EBF4: variants seen among roughly 807,000 people sequenced by gnomAD.
EBF4 encodes transcription factor COE4.
In EBF4, 34 loss-of-function variants were observed where a neutral mutation model predicts 67.1. The ratio of observed to expected loss-of-function variants is 0.51; its 90% CI spans 0.39 to 0.67. The LOEUF is 0.67. Among genes scored for constraint, EBF4 ranks in the 30% least tolerant of loss-of-function variants. The pLI, the probability that EBF4 is intolerant of heterozygous loss-of-function variation, is 0.00. For synonymous variants in EBF4, 387 were observed against 377.7 expected (o/e 1.02, Z -0.29); for missense variants, 837 against 873.3 (o/e 0.96, Z 0.52).
chr20:2,738,167 C>G (rs143701182), intron 6 of EBF4, among the ~76,000 whole-genome samples: 1 of 152,020 alleles, frequency 6.6e-6, no homozygotes, highest in Non-Finnish European at 1.5e-5. Context: ...CTTGCTAATA[C>G]CCGCTACCCA....
At chr20:2,702,539 C>T (rs2087391431) in intron 1 of EBF4, among the ~76,000 whole-genome samples, 1 of 152,124 alleles carries the variant, frequency 6.6e-6, no homozygotes, top group Non-Finnish European at 1.5e-5. Context: ...CTGAGGGAGG[C>T]TCCGGGGCAA....
At chr20:2,701,683 C>G (rs2087377346) in intron 1 of EBF4, among the ~76,000 whole-genome samples, 1 of 152,254 alleles carries the variant, frequency 6.6e-6, no homozygotes, top group Non-Finnish European at 1.5e-5. Context: ...CACCACTCCT[C>G]TGGCAAGGCT....
At chr20:2,704,262 A>G (rs1459216031) in intron 1 of EBF4, among the ~76,000 whole-genome samples, 1 of 152,068 alleles carries the variant, frequency 6.6e-6, no homozygotes, top group Admixed American at 6.6e-5. Flanking sequence ...AGCCCTAGCC[A>G]ACTCAAGCAG....
Position 2,696,221 on chromosome 20 carries a change from C to T in EBF4, c.137+2439C>T, listed in dbSNP as rs898787976. On this transcript the variant is annotated intron_variant, in intron 1 of 16. Transcript: ENST00000609451. This position sits in a 1 kb window ranked among gnomAD's most constrained non-coding sequence, Gnocchi z 4.7. Reference sequence around the variant, plus strand: ...GCGCGGTGGCTCACGCCTGTAATTCCAGCACTTTGGGAGGCCAAGGTGGGC... The same window carrying T: ...GCGCGGTGGCTCACGCCTGTAATTCTAGCACTTTGGGAGGCCAAGGTGGGC... Among the ~76,000 whole-genome samples the T allele has an allele frequency of 2.6e-5, 4 of 152,166 alleles. No homozygotes were observed. The highest frequency in any genetic ancestry group is 7.2e-5 in the African/African-American group (3 of 41,428).
chr20:2,731,526 A>G (rs2087812987), intron 6 of EBF4, among the ~76,000 whole-genome samples: 1 of 152,144 alleles, frequency 6.6e-6, no homozygotes, highest in East Asian at 1.9e-4. Flanking sequence ...GCTGCAAGGG[A>G]GGCTGGGAAA....
At chr20:2,731,104 G>A (rs1272099543) in intron 6 of EBF4, among the ~76,000 whole-genome samples, 1 of 152,052 alleles carries the variant, frequency 6.6e-6, no homozygotes, top group Non-Finnish European at 1.5e-5. Context: ...TCACCATGTT[G>A]GTCAGGCTGG....
chr20:2,737,354 G>C (rs966351925), intron 6 of EBF4, among the ~76,000 whole-genome samples: 2 of 152,106 alleles, frequency 1.3e-5, no homozygotes, highest in Admixed American at 1.3e-4. Context: ...CGGCTAGTGA[G>C]TGAACCGCCT....
chr20:2,724,171 C>G (rs2146430579), intron 6 of EBF4, among the ~76,000 whole-genome samples: 1 of 152,288 alleles, frequency 6.6e-6, no homozygotes, highest in South Asian at 2.1e-4. Flanking sequence ...TGAAATCAAC[C>G]ATGCTGGGAA....
At chr20:2,701,620 G>A (rs1316564117) in intron 1 of EBF4, among the ~76,000 whole-genome samples, 1 of 152,238 alleles carries the variant, frequency 6.6e-6, no homozygotes, top group African/African-American at 2.4e-5. Flanking sequence ...CAGGGTGTCT[G>A]TGTAGAAAGG....
chr20:2,743,864 C>T (rs1333628183), intron 6 of EBF4, among the ~76,000 whole-genome samples: 1 of 151,978 alleles, frequency 6.6e-6, no homozygotes, highest in Admixed American at 6.6e-5. Flanking sequence ...TGATCCAATC[C>T]AGATATTTAG....
intron 6 of EBF4, among the ~76,000 whole-genome samples, chr20:2,737,117 G>T (rs989541424): frequency 4.0e-5 from 6 of 150,714 alleles, no homozygotes; most frequent in Non-Finnish European, 8.8e-5. Flanking sequence ...GGGCGTGGTG[G>T]CGGGCGCCTG....
chr20:2,706,058 T>C (rs1600205386), intron 3 of EBF4, 21 bp downstream of exon 3: 1 of 1,551,152 alleles, frequency 6.4e-7, no homozygotes, highest in East Asian at 2.4e-5. Flanking sequence ...GCCCCTGCCC[T>C]ACCCAGCCCT....
exon 13 of EBF4, chr20:2,752,224 G>A: frequency 7.4e-7 from 1 of 1,356,108 alleles, no homozygotes; most frequent in South Asian, 1.8e-5. Context: ...CAGCCCGCTG[G>A]CCATCGCCGT....
chr20:2,746,390 G>T (rs2088050981), intron 6 of EBF4, among the ~76,000 whole-genome samples: 1 of 152,072 alleles, frequency 6.6e-6, no homozygotes, highest in Non-Finnish European at 1.5e-5. Context: ...TACACTGTAG[G>T]GGTGCACCAT....
At chr20:2,726,660 T>C (rs1310993592) in intron 6 of EBF4, among the ~76,000 whole-genome samples, 8 of 152,150 alleles carry the variant, frequency 5.3e-5, no homozygotes, top group African/African-American at 1.7e-4. Context: ...CTAGTCCTTT[T>C]CCCCCATTAC....
chr20:2,749,673 G>A, exon 9 of EBF4: 1 of 1,567,736 alleles, frequency 6.4e-7, no homozygotes, highest in South Asian at 1.2e-5. Context: ...GACCACGGGC[G>A]GCGCCACCGT....
intron 16 of EBF4, 102 bp downstream of exon 16, chr20:2,759,086 G>A: frequency 8.8e-7 from 1 of 1,137,680 alleles, no homozygotes; most frequent in Non-Finnish European, 1.3e-6. Context: ...CCCGCTAGCA[G>A]CCCCACAGGG....
Position 2,735,354 on chromosome 20 carries a change from C to A in EBF4, c.558-13195C>A, listed in dbSNP as rs116423309. ...TGGTTGCAAGGTAGCTGGTCTTCAACAGGGCTGGGGAGTAGGGGATGGGAA... is the reference window on the plus strand; with the variant it reads ...TGGTTGCAAGGTAGCTGGTCTTCAAAAGGGCTGGGGAGTAGGGGATGGGAA... On this transcript the variant is annotated intron_variant, in intron 6 of 16. Coordinates refer to ENST00000609451, the Ensembl canonical transcript of EBF4. 5.4e-3 allele frequency among the ~76,000 whole-genome samples: 822 copies of A among 152,312 alleles called. 7 individuals carry two copies. Among genetic ancestry groups the A allele is most frequent in the African/African-American group, 0.018 (766 of 41,564 alleles).
At position 2,755,899 on chromosome 20, in the gene EBF4, T is replaced by G. The variant is rs1195984575; in HGVS notation, c.1738+75T>G. 3.7e-6 allele frequency: 5 copies of G among 1,334,410 alleles called. No homozygotes were observed. Among genetic ancestry groups the G allele is most frequent in the Non-Finnish European group, 1.0e-6 (1 of 984,684 alleles). 82.7% of individuals were successfully genotyped at this position (1,334,410 alleles called of 1,614,324 possible). ...GAGCAGCTGGGCTACAGGGGCCTGC[T>G]CTGTCCACATCTCACCAGTGCCTCA... On this transcript the variant is annotated intron_variant, in intron 15 of 16. Transcript: ENST00000609451. This position sits in a 1 kb window ranked among gnomAD's most constrained non-coding sequence, Gnocchi z 4.7.
Sources: allele counts gnomAD v4.1 joint callset (sites outside exome capture counted in the v4.1 genomes callset), GRCh38; gene constraint gnomAD v4.1.1; non-coding constraint Gnocchi (gnomAD v3.1); transcripts MANE v1.5; gene names NCBI Gene and HGNC (gene_info 2026-07-23, HGNC 2026-07-21).